ADAMTS12: variants seen among roughly 807,000 people sequenced by gnomAD.
The protein encoded by ADAMTS12 is ADAM metallopeptidase with thrombospondin type 1 motif 12, also known as A disintegrin and metalloproteinase with thrombospondin motifs 12.
A neutral mutation model predicts 167.8 loss-of-function variants in ADAMTS12; 118 were observed. The ratio of observed to expected loss-of-function variants is 0.70; its 90% confidence interval spans 0.61 to 0.82. The LOEUF is 0.82. ADAMTS12 is among the 40% of genes least tolerant of loss of function. The pLI, the probability that ADAMTS12 is intolerant of heterozygous loss-of-function variation, is 0.00. For synonymous variants in ADAMTS12, 704 were observed against 716.9 expected, an observed-to-expected ratio of 0.98 and a Z score of 0.29; for missense variants, 1,916 against 1,998.8, an observed-to-expected ratio of 0.96 and a Z score of 0.79.
chr5:33,713,914 G>A (rs1307973546), intron 3 of ADAMTS12, among the ~76,000 whole-genome samples: 2 of 152,146 alleles, frequency 1.3e-5, no homozygotes, highest in Admixed American at 1.3e-4. Flanking sequence ...TTCAGAGTAA[G>A]AGTCTTAAAG....
intron 1 of ADAMTS12, among the ~76,000 whole-genome samples, chr5:33,885,642 C>G (rs541054425): frequency 6.6e-6 from 1 of 152,302 alleles, no homozygotes; most frequent in East Asian, 1.9e-4. Flanking sequence ...CCCCATGATA[C>G]AAGGCAGTCT....
chr5:33,727,253 G>A lies in ADAMTS12; in HGVS notation c.634+24151C>T, dbSNP rs148670652. Among the ~76,000 whole-genome samples the A allele has an allele frequency of 5.0e-3, 754 of 152,168 alleles. 5 individuals carry two copies. Among genetic ancestry groups the A allele is most frequent in the East Asian group, 0.012 (60 of 5,154 alleles). On this transcript the variant is annotated intron_variant, in intron 3 of 23. Transcript: ENST00000504830. ...AAGCCTCACCACCGAGATCTGGCCT[G>A]GGTGACGACGCGTGTGTGTCCTCGC...
intron 16 of ADAMTS12, among the ~76,000 whole-genome samples, chr5:33,597,531 C>T (rs1415915139): frequency 6.6e-6 from 1 of 152,176 alleles, no homozygotes; most frequent in Admixed American, 6.5e-5. Flanking sequence ...CAGGACTGAC[C>T]TGGAACCTGC....
chr5:33,698,530 C>A (rs1742867958), intron 3 of ADAMTS12, among the ~76,000 whole-genome samples: 1 of 152,158 alleles, frequency 6.6e-6, no homozygotes. Context: ...TAATATATTA[C>A]ATTCAGATGT....
chr5:33,585,551 C>A (rs565291509), intron 18 of ADAMTS12, among the ~76,000 whole-genome samples: 2 of 152,290 alleles, frequency 1.3e-5, no homozygotes, highest in South Asian at 4.1e-4. Context: ...GGGGCTGTGC[C>A]CTTCACTACT....
intron 19 of ADAMTS12, among the ~76,000 whole-genome samples, chr5:33,570,598 A>C (rs991376650): frequency 1.3e-5 from 2 of 152,220 alleles, no homozygotes; most frequent in African/African-American, 2.4e-5. Context: ...TGAAGGAAGC[A>C]CTAAACATGG....
rs556284764 is a variant in ADAMTS12 at position 33,772,452 on chromosome 5, G to C, written c.490-20904C>G. Among the ~76,000 whole-genome samples the C allele has an allele frequency of 7.2e-5, 11 of 151,922 alleles. No homozygotes were observed. The South Asian group carries it at 2.3e-3, about 32-fold the overall frequency. On this transcript the variant is annotated intron_variant, in intron 2 of 23. Transcript: ENST00000504830. ...GTGTGAGATGAAACTAATTTACCAT[G>C]TGTTTTAGCCATAGCTCCTCCCAAG... is the stretch of plus-strand genomic sequence containing the variant.
At chr5:33,624,133 T>C in intron 14 of ADAMTS12, 98 bp downstream of exon 14, 1 of 1,540,556 alleles carries the variant, frequency 6.5e-7, no homozygotes, top group Non-Finnish European at 8.8e-7. Flanking sequence ...TCACAGACTG[T>C]TTAAAGAAAT....
intron 6 of ADAMTS12, among the ~76,000 whole-genome samples, chr5:33,660,187 C>T (rs756928523): frequency 2.0e-5 from 3 of 152,168 alleles, no homozygotes; most frequent in Non-Finnish European, 4.4e-5. Context: ...AAACAGACCC[C>T]TGTCCTAAGG....
chr5:33,626,274 G>T (rs942304112), intron 13 of ADAMTS12, among the ~76,000 whole-genome samples: 3 of 151,594 alleles, frequency 2.0e-5, no homozygotes, highest in African/African-American at 7.3e-5. Flanking sequence ...GTAGTGGTGG[G>T]GGTGGTGGTG....
intron 19 of ADAMTS12, 29 bp from the exon 20 acceptor site, chr5:33,561,208 A>C: frequency 6.2e-7 from 1 of 1,607,652 alleles, no homozygotes; most frequent in Non-Finnish European, 8.5e-7. Flanking sequence ...GAGATGACAG[A>C]GGCTGAGTGT....
At chr5:33,850,980 C>A (rs2111647727) in intron 2 of ADAMTS12, among the ~76,000 whole-genome samples, 1 of 152,322 alleles carries the variant, frequency 6.6e-6, no homozygotes, top group African/African-American at 2.4e-5. Flanking sequence ...TGTTAAGAAA[C>A]TTCTCTTAGA....
At chr5:33,739,278 C>T (rs1744481105) in intron 3 of ADAMTS12, among the ~76,000 whole-genome samples, 1 of 151,960 alleles carries the variant, frequency 6.6e-6, no homozygotes, top group East Asian at 1.9e-4. Context: ...AACACACACA[C>T]ATATAGGCAA....
At chr5:33,668,689 G>A (rs1253401983) in intron 5 of ADAMTS12, among the ~76,000 whole-genome samples, 3 of 152,150 alleles carry the variant, frequency 2.0e-5, no homozygotes, top group Non-Finnish European at 4.4e-5. Flanking sequence ...TCACCATGTT[G>A]GCCAGGCTGA....
intron 5 of ADAMTS12, among the ~76,000 whole-genome samples, chr5:33,674,009 G>A (rs888813427): frequency 6.6e-6 from 1 of 152,058 alleles, no homozygotes; most frequent in African/African-American, 2.4e-5. Flanking sequence ...GTGCAAGGTC[G>A]TAATAATCAA....
rs140809126 is a variant in ADAMTS12, at chr5:33,724,425, A to G, written c.634+26979T>C. ...TGGAAACAGACATACTTTTCTGTCC[A>G]TATCTTAAACGATTCTGAGACCAAG... On this transcript the variant is annotated intron_variant, in intron 3 of 23. Coordinates refer to ENST00000504830, the MANE Select transcript of ADAMTS12 (RefSeq NM_030955.4). Among the ~76,000 whole-genome samples, 36 of 151,932 alleles carry G rather than the reference A, an allele frequency of 2.4e-4. 1 individual carries two copies. Among genetic ancestry groups the G allele is most frequent in the African/African-American group, 8.0e-4 (33 of 41,434 alleles).
intron 14 of ADAMTS12, among the ~76,000 whole-genome samples, chr5:33,620,459 G>A (rs560582627): frequency 6.6e-5 from 10 of 152,318 alleles, no homozygotes; most frequent in East Asian, 3.9e-4. Flanking sequence ...ATCACACAGC[G>A]TTTTAAACAG....
In ADAMTS12 at chr5:33,867,198, T is replaced by C. The variant is rs142308899; in HGVS notation, c.489+13921A>G. On this transcript the variant is annotated intron_variant, in intron 2 of 23. Transcript: ENST00000504830. ...AGCACAATCCACAATTGCAAAGACA[T>C]GGAACCGACCTAAGTGCCCACTGAC... Among the ~76,000 whole-genome samples the C allele has an allele frequency of 8.5e-5, 13 of 152,248 alleles. No homozygotes were observed. In the East Asian group the frequency reaches 2.1e-3, roughly 25 times the overall value.
chr5:33,829,173 A>G (rs1275407598), intron 2 of ADAMTS12, among the ~76,000 whole-genome samples: 3 of 152,184 alleles, frequency 2.0e-5, no homozygotes, highest in Non-Finnish European at 4.4e-5. Flanking sequence ...TAATGGGAAA[A>G]GAACCCATTC....
Sources: gnomAD v4.1 joint callset for allele counts (sites outside exome capture counted in the v4.1 genomes callset) on GRCh38, gnomAD v4.1.1 for gene constraint, MANE v1.5 for transcripts, NCBI Gene and HGNC (gene_info 2026-07-23, HGNC 2026-07-21) for gene names.